The following KIF18A variants were observed in gnomAD, a reference collection of about 807,000 sequenced individuals.
KIF18A encodes the protein kinesin family member 18A.
A neutral mutation model predicts 103.3 loss-of-function variants in KIF18A; 67 were observed. That is an observed-to-expected ratio of 0.65 (90% CI 0.53 to 0.79). The LOEUF is 0.79. Among genes scored for constraint, KIF18A ranks in the 30% least tolerant of loss-of-function variants. The pLI, the probability that KIF18A is intolerant of heterozygous loss-of-function variation, is 0.00. For synonymous variants in KIF18A, 367 were observed against 355.5 expected (o/e 1.03, Z -0.36); for missense variants, 1,032 against 1,062.5 (o/e 0.97, Z 0.40).
chr11:28,025,486 T>C (rs777779749), intron 15 of KIF18A, among the ~76,000 whole-genome samples: 21 of 152,158 alleles, frequency 1.4e-4, no homozygotes, highest in Non-Finnish European at 2.8e-4. Flanking sequence ...TTATGCATTA[T>C]GGCTAGTTCC....
chr11:28,045,085 T>C (rs949458596), intron 13 of KIF18A, among the ~76,000 whole-genome samples: 2 of 152,072 alleles, frequency 1.3e-5, no homozygotes, highest in East Asian at 1.9e-4. Context: ...TTAAGACATA[T>C]AATTGATGAA....
At chr11:28,078,614 T>C (rs1851125230) in intron 9 of KIF18A, among the ~76,000 whole-genome samples, 1 of 152,106 alleles carries the variant, frequency 6.6e-6, no homozygotes, top group Non-Finnish European at 1.5e-5. Flanking sequence ...TGCACCAATA[T>C]TTTTAGGTAA....
chr11:28,053,266 G>C (rs914348924), intron 13 of KIF18A, among the ~76,000 whole-genome samples: 1 of 152,036 alleles, frequency 6.6e-6, no homozygotes, highest in Non-Finnish European at 1.5e-5. Context: ...ATGATGTGCT[G>C]TCTGAGATCT....
At chr11:28,059,199 T>G in intron 12 of KIF18A, 38 bp from the exon 13 acceptor site, 3 of 1,386,306 alleles carry the variant, frequency 2.2e-6, no homozygotes, top group African/African-American at 1.4e-5. Flanking sequence ...GAGATAAATA[T>G]GACATTTTAA....
chr11:28,076,217 A>T (rs1395754037), intron 10 of KIF18A, among the ~76,000 whole-genome samples: 2 of 152,150 alleles, frequency 1.3e-5, no homozygotes, highest in Non-Finnish European at 2.9e-5. Context: ...TAAAAAAAAT[A>T]GTAAAACTGA....
intron 15 of KIF18A, among the ~76,000 whole-genome samples, chr11:28,026,654 C>A (rs552240478): frequency 4.2e-4 from 63 of 151,682 alleles, no homozygotes; most frequent in Non-Finnish European, 8.4e-4. Context: ...CTGGACATTT[C>A]CTGAAAAACT....
rs60587483 is a variant in KIF18A at position 28,024,191 on chromosome 11, T to TAAAAA, written c.2505-346_2505-342dup. Among the ~76,000 whole-genome samples the TAAAAA allele has an allele frequency of 2.9e-3, 326 of 110,976 alleles. 5 individuals are homozygous for TAAAAA. Among genetic ancestry groups the TAAAAA allele is most frequent in the Non-Finnish European group, 4.3e-3 (229 of 53,656 alleles). The allele number at this position is 110,976 out of a possible 152,430, so 72.8% of individuals were successfully genotyped here. A position where few individuals can be genotyped will look rare whatever the true frequency, so the allele number is the denominator to read the frequency against. On this transcript the variant is annotated intron_variant, in intron 15 of 16. Coordinates refer to ENST00000263181, the MANE Select transcript of KIF18A (RefSeq NM_031217.4). ...TCAGTAGCACATAGTCACAAGAGGTTAAAAAAAAAAAAAAAAAAAACTAAG... is the reference window on the plus strand; with the variant it reads ...TCAGTAGCACATAGTCACAAGAGGTTAAAAAAAAAAAAAAAAAAAAAAAAACTAAG...
At chr11:28,084,572 A>T in intron 7 of KIF18A, 60 bp downstream of exon 7, 1 of 1,325,634 alleles carries the variant, frequency 7.5e-7, no homozygotes, top group Non-Finnish European at 1.1e-6. Context: ...CTTTCATTAC[A>T]ATTATAAAAA....
intron 3 of KIF18A, among the ~76,000 whole-genome samples, chr11:28,092,044 T>G (rs1204385322): frequency 6.6e-6 from 1 of 152,166 alleles, no homozygotes; most frequent in Non-Finnish European, 1.5e-5. Context: ...CTTGATCTTC[T>G]GACCTCGTGA....
At chr11:28,030,560 G>C (rs933870471) in intron 15 of KIF18A, among the ~76,000 whole-genome samples, 6 of 151,876 alleles carry the variant, frequency 4.0e-5, no homozygotes, top group African/African-American at 7.3e-5. Context: ...AAATGTTAGA[G>C]CTAAAACCAT....
chr11:28,082,825 C>T, intron 9 of KIF18A, 31 bp downstream of exon 9: 1 of 1,319,462 alleles, frequency 7.6e-7, no homozygotes, highest in Non-Finnish European at 1.1e-6. Context: ...ACAATAAATT[C>T]CTCAAAATTA....
At chr11:28,083,106 G>A in intron 8 of KIF18A, 63 bp downstream of exon 8, 1 of 1,543,384 alleles carries the variant, frequency 6.5e-7, no homozygotes, top group Non-Finnish European at 8.7e-7. Context: ...GGACAATTAA[G>A]ATTATAAAAT....
chr11:28,042,753 C>T (rs1254267505), intron 13 of KIF18A, among the ~76,000 whole-genome samples: 2 of 151,696 alleles, frequency 1.3e-5, no homozygotes, highest in East Asian at 3.9e-4. Context: ...AAAGTGATAA[C>T]CTGAATAGAG....
chr11:28,063,405 T>A (rs1228061362), intron 11 of KIF18A, among the ~76,000 whole-genome samples: 3 of 152,042 alleles, frequency 2.0e-5, no homozygotes, highest in African/African-American at 7.2e-5. Context: ...TTTATCTTCT[T>A]GAATCTTTCT....
At chr11:28,085,098 G>A (rs938351734) in intron 6 of KIF18A, among the ~76,000 whole-genome samples, 1 of 152,050 alleles carries the variant, frequency 6.6e-6, no homozygotes, top group African/African-American at 2.4e-5. Context: ...AGGAATAACC[G>A]GCGGGTATGG....
chr11:28,047,141 T>G (rs1456354661), intron 13 of KIF18A, among the ~76,000 whole-genome samples: 1 of 150,370 alleles, frequency 6.7e-6, no homozygotes, highest in Non-Finnish European at 1.5e-5. Context: ...TATATTCCAA[T>G]AGAAAACAGA....
intron 11 of KIF18A, among the ~76,000 whole-genome samples, chr11:28,066,490 G>A (rs1261691361): frequency 6.6e-6 from 1 of 151,710 alleles, no homozygotes; most frequent in African/African-American, 2.4e-5. Context: ...TTATATTATA[G>A]TTTATTAATG....
chr11:28,022,870 T>C (rs555727334), intron 16 of KIF18A, among the ~76,000 whole-genome samples: 1 of 152,314 alleles, frequency 6.6e-6, no homozygotes, highest in South Asian at 2.1e-4. Flanking sequence ...AGGAATTTTA[T>C]ATTACTCTAA....
rs796145765 is a variant in KIF18A at position 28,053,278 on chromosome 11, CT to C, written c.1948+5647del. Among the ~76,000 whole-genome samples the C allele has an allele frequency of 1.6e-4, 25 of 151,744 alleles. 1 individual carries two copies. Among genetic ancestry groups the C allele is most frequent in the Admixed American group, 6.6e-4 (10 of 15,248 alleles). On this transcript the variant is annotated intron_variant, in intron 13 of 16. Transcript: ENST00000263181. ...GAAATGATGTGCTGTCTGAGATCTA[CT>C]TTTTTTTGTTTTGTTTTTTGAAATA...
Sources: allele counts gnomAD v4.1 joint callset (sites outside exome capture counted in the v4.1 genomes callset), GRCh38; gene constraint gnomAD v4.1.1; transcripts MANE v1.5; gene names NCBI Gene and HGNC (gene_info 2026-07-23, HGNC 2026-07-21).